ARHGEF6: variants seen among roughly 807,000 people sequenced by gnomAD.
ARHGEF6 encodes the protein rho guanine nucleotide exchange factor 6.
In ARHGEF6, 9 loss-of-function variants were observed where a neutral mutation model predicts 70.3. The observed-to-expected ratio is 0.13, with a 90% CI of 0.08 to 0.22. The LOEUF (loss-of-function observed/expected upper bound fraction) is 0.22. ARHGEF6 is among the 10% of genes least tolerant of loss of function. ARHGEF6 has a pLI of 1.00. For missense variants in ARHGEF6, 470 were observed against 563.0 expected (o/e 0.83, Z 1.67); for synonymous variants, 201 against 207.8 (o/e 0.97, Z 0.28).
chrX:136,689,493 C>G, intron 10 of ARHGEF6, among the ~76,000 whole-genome samples: 1 of 112,094 alleles, frequency 8.9e-6, no homozygotes, highest in East Asian at 2.8e-4. Context: ...AGGGGCAAAC[C>G]TCAAACGGTT....
At chrX:136,675,525 C>CT (rs1325751424) in intron 18 of ARHGEF6, among the ~76,000 whole-genome samples, 3 of 109,106 alleles carry the variant, frequency 2.7e-5, no homozygotes, top group African/African-American at 6.7e-5. Context: ...CTTTTCTTTT[C>CT]TTTTTTTTGA....
At chrX:136,725,223 C>G (rs1459560846) in intron 6 of ARHGEF6, among the ~76,000 whole-genome samples, 1 of 111,492 alleles carries the variant, frequency 9.0e-6, no homozygotes, top group Non-Finnish European at 1.9e-5. Context: ...CAGACACTTC[C>G]TGCTGCCTTG....
chrX:136,670,670 G>A (rs2076216162), intron 20 of ARHGEF6, among the ~76,000 whole-genome samples: 1 of 110,827 alleles, frequency 9.0e-6, no homozygotes, highest in Admixed American at 9.6e-5. Context: ...CTCTAGCTTT[G>A]GGGCAGGAAT....
At chrX:136,678,046 C>T in intron 16 of ARHGEF6, 90 bp from the exon 17 acceptor site, 2 of 814,039 alleles carry the variant, frequency 2.5e-6, no homozygotes, top group South Asian at 4.3e-5. Context: ...TCTAAAACAA[C>T]ATTTGAAATG....
intron 2 of ARHGEF6, among the ~76,000 whole-genome samples, chrX:136,762,008 G>T (rs1424999487): frequency 1.2e-4 from 13 of 110,384 alleles, no homozygotes; most frequent in African/African-American, 4.3e-4. Flanking sequence ...TCCGCCTCCC[G>T]GGTTCAAGCG....
At chrX:136,771,369 C>T (rs2077362141) in intron 2 of ARHGEF6, among the ~76,000 whole-genome samples, 1 of 111,984 alleles carries the variant, frequency 8.9e-6, no homozygotes, top group African/African-American at 3.2e-5. Context: ...TATGGACATG[C>T]GAGGGATCCA....
At chrX:136,712,085 G>C (rs1416822251) in intron 7 of ARHGEF6, among the ~76,000 whole-genome samples, 1 of 111,382 alleles carries the variant, frequency 9.0e-6, no homozygotes, top group Non-Finnish European at 1.9e-5. Flanking sequence ...TCTTTTGTTT[G>C]CTTGGTTTTG....
intron 11 of ARHGEF6, among the ~76,000 whole-genome samples, chrX:136,686,595 T>TATATATAG: frequency 2.8e-5 from 1 of 35,471 alleles, no homozygotes; most frequent in Non-Finnish European, 5.0e-5. Context: ...TATGTGTGTG[T>TATATATAG]ATATATATAT....
chrX:136,677,231 T>A (rs2148573954), intron 17 of ARHGEF6, among the ~76,000 whole-genome samples: 1 of 112,039 alleles, frequency 8.9e-6, no homozygotes, highest in African/African-American at 3.2e-5. Context: ...GACAGAAAAA[T>A]TAAGGCAGAG....
intron 2 of ARHGEF6, among the ~76,000 whole-genome samples, chrX:136,752,706 T>C (rs1165667447): frequency 8.9e-6 from 1 of 112,383 alleles, no homozygotes; most frequent in African/African-American, 3.2e-5. Context: ...GTTAAAAGTC[T>C]AATCAACTGA....
intron 2 of ARHGEF6, among the ~76,000 whole-genome samples, chrX:136,757,217 A>G (rs1432186084): frequency 8.9e-6 from 1 of 111,933 alleles, no homozygotes; most frequent in Admixed American, 9.4e-5. Flanking sequence ...AAAATTAACC[A>G]GATGTGGTGG....
At chrX:136,741,536 T>TG (rs1569416315) in intron 5 of ARHGEF6, among the ~76,000 whole-genome samples, 211 of 107,298 alleles carry the variant, frequency 2.0e-3, no homozygotes, top group African/African-American at 7.1e-3. Context: ...TTTTTTTTTT[T>TG]TTGTGTGTGT....
At chrX:136,766,208 C>T (rs2077312228) in intron 2 of ARHGEF6, among the ~76,000 whole-genome samples, 1 of 111,949 alleles carries the variant, frequency 8.9e-6, no homozygotes, top group Non-Finnish European at 1.9e-5. Flanking sequence ...CAAATGATGT[C>T]ATCAGAGATC....
chrX:136,776,701 A>G (rs1285690290), intron 2 of ARHGEF6, among the ~76,000 whole-genome samples: 2 of 111,219 alleles, frequency 1.8e-5, no homozygotes. Flanking sequence ...AAAAACAAAG[A>G]TAAATAGATG....
intron 7 of ARHGEF6, among the ~76,000 whole-genome samples, chrX:136,712,985 T>C (rs2076702216): frequency 9.1e-6 from 1 of 110,264 alleles, no homozygotes; most frequent in African/African-American, 3.3e-5. Flanking sequence ...TCCTGTAAGG[T>C]AAAACCAAGC....
intron 7 of ARHGEF6, 44 bp from the exon 8 acceptor site, chrX:136,708,814 G>A (rs1569403327): frequency 1.0e-6 from 1 of 1,000,145 alleles, no homozygotes; most frequent in East Asian, 3.2e-5. Context: ...TTGTAGTCTA[G>A]TTGGCTAATA....
At chrX:136,707,409 T>C (rs1320904105) in intron 8 of ARHGEF6, among the ~76,000 whole-genome samples, 3 of 112,539 alleles carry the variant, frequency 2.7e-5, no homozygotes, top group Non-Finnish European at 3.8e-5. Flanking sequence ...AAGAATATTA[T>C]GTAATCTTGG....
At chrX:136,756,534 T>A (rs1883003217) in intron 2 of ARHGEF6, among the ~76,000 whole-genome samples, 2 of 111,786 alleles carry the variant, frequency 1.8e-5, no homozygotes. Context: ...CCCCTGTTCA[T>A]GCCTATGCTC....
chrX:136,709,776 C>T (rs2076664149), intron 7 of ARHGEF6, among the ~76,000 whole-genome samples: 1 of 112,006 alleles, frequency 8.9e-6, no homozygotes, highest in Non-Finnish European at 1.9e-5. Context: ...ACCAGCCTGG[C>T]CGACATGGTG....
Sources: gnomAD v4.1 joint callset for allele counts (sites outside exome capture counted in the v4.1 genomes callset) on GRCh38, gnomAD v4.1.1 for gene constraint, MANE v1.5 for transcripts, NCBI Gene and HGNC (gene_info 2026-07-23, HGNC 2026-07-21) for gene names.